RBFOX1: variants seen among roughly 807,000 people sequenced by gnomAD.
The protein encoded by RBFOX1 is RNA binding protein fox-1 homolog 1.
A neutral mutation model predicts 57.7 loss-of-function variants in RBFOX1; 8 were observed. The ratio of observed to expected loss-of-function variants is 0.14; its 90% CI spans 0.08 to 0.25. The LOEUF is 0.25. Ranked by LOEUF, RBFOX1 falls within the 10% of genes least tolerant of loss-of-function variation. RBFOX1 has a pLI of 1.00. For missense variants in RBFOX1, 611 were observed against 548.5 expected (o/e 1.11, Z -1.14); for synonymous variants, 326 against 222.4 (o/e 1.47, Z -4.15).
At chr16:6,304,005 T>G (rs980369961) in intron 1 of RBFOX1, among the ~76,000 whole-genome samples, 1 of 150,994 alleles carries the variant, frequency 6.6e-6, no homozygotes, top group East Asian at 2.0e-4. Flanking sequence ...AGAATCGGGG[T>G]TTCACCATGT....
intron 3 of RBFOX1, among the ~76,000 whole-genome samples, chr16:6,861,599 G>A (rs1257647260): frequency 6.7e-6 from 1 of 149,112 alleles, no homozygotes; most frequent in Non-Finnish European, 1.5e-5. Flanking sequence ...GTACTAAGTT[G>A]TTCCAGTAAA....
intron 3 of RBFOX1, among the ~76,000 whole-genome samples, chr16:5,622,349 C>T (rs73527637): frequency 0.042 from 6,435 of 152,260 alleles, 469 homozygotes; most frequent in African/African-American, 0.14. Flanking sequence ...TGTTTAGTGT[C>T]TGTCTTTTCC....
intron 1 of RBFOX1, among the ~76,000 whole-genome samples, chr16:6,307,633 T>A (rs1163336713): frequency 6.8e-6 from 1 of 147,996 alleles, no homozygotes; most frequent in Non-Finnish European, 1.5e-5. Context: ...TATATTTTTA[T>A]AAATGATATT....
chr16:7,308,401 T>C (rs1196143778), intron 4 of RBFOX1, among the ~76,000 whole-genome samples: 1 of 151,506 alleles, frequency 6.6e-6, no homozygotes, highest in Non-Finnish European at 1.5e-5. Flanking sequence ...AGTACTATTC[T>C]AAGAAAGCTT....
At chr16:6,672,470 G>GGAAAGAA (rs2098772415) in intron 3 of RBFOX1, among the ~76,000 whole-genome samples, 1 of 136,944 alleles carries the variant, frequency 7.3e-6, no homozygotes, top group African/African-American at 2.7e-5. Context: ...AAGGAAAGAA[G>GGAAAGAA]GAAAGAAAAA....
At chr16:7,474,949 A>G (rs933057175) in intron 4 of RBFOX1, among the ~76,000 whole-genome samples, 2 of 152,206 alleles carry the variant, frequency 1.3e-5, no homozygotes, top group African/African-American at 2.4e-5. Context: ...CAAAGCACCA[A>G]TGCAGAGCCG....
chr16:5,316,561 G>A (rs1218306362), intron 1 of RBFOX1, among the ~76,000 whole-genome samples: 2 of 152,306 alleles, frequency 1.3e-5, no homozygotes, highest in East Asian at 3.9e-4. Context: ...GGGACATTGG[G>A]CACATTACTT....
intron 3 of RBFOX1, among the ~76,000 whole-genome samples, chr16:7,029,071 TATATATATATAC>T (rs1362076208): frequency 1.6e-4 from 4 of 25,542 alleles, no homozygotes; most frequent in Admixed American, 1.1e-3. Flanking sequence ...TATATATATA[TATATATATATAC>T]ACACACACAC....
intron 4 of RBFOX1, among the ~76,000 whole-genome samples, chr16:7,194,680 C>G (rs1052868735): frequency 1.3e-5 from 2 of 152,082 alleles, no homozygotes; most frequent in African/African-American, 4.8e-5. Context: ...GTAATCCCAG[C>G]AATTTTAGAG....
At chr16:7,594,210 T>C (rs939661684) in intron 7 of RBFOX1, among the ~76,000 whole-genome samples, 2 of 151,940 alleles carry the variant, frequency 1.3e-5, no homozygotes, top group East Asian at 3.9e-4. Context: ...TGGAGGTGAT[T>C]ATAGAGAACT....
rs56101955 is a variant in RBFOX1 at position 6,349,950 on chromosome 16, G to A, written c.-64+32893G>A. On this transcript the variant is annotated intron_variant, in intron 2 of 15. Transcript: ENST00000550418. Reference sequence around the variant, plus strand: ...GGCAGTGGTGAGCTTAACTGCTGGAGATTTCCATGGTGAATGTGCGTGTCT... The same window carrying A: ...GGCAGTGGTGAGCTTAACTGCTGGAAATTTCCATGGTGAATGTGCGTGTCT... Among the ~76,000 whole-genome samples, 545 of 152,262 alleles carry A rather than the reference G, an allele frequency of 3.6e-3. 7 individuals are homozygous for A. The highest frequency in any genetic ancestry group is 5.5e-3 in the Non-Finnish European group (377 of 68,020).
At chr16:6,806,836 A>ATTTTTT (rs1555488600) in intron 3 of RBFOX1, among the ~76,000 whole-genome samples, 3 of 91,872 alleles carry the variant, frequency 3.3e-5, no homozygotes, top group Admixed American at 1.5e-4. Flanking sequence ...ATATATATAT[A>ATTTTTT]TTTTTTTTTT....
chr16:5,882,499 A>AG (rs991867027), intron 4 of RBFOX1, among the ~76,000 whole-genome samples: 1 of 152,192 alleles, frequency 6.6e-6, no homozygotes, highest in African/African-American at 2.4e-5. Flanking sequence ...TGTGAACCCA[A>AG]GGGGAAGAAA....
intron 4 of RBFOX1, among the ~76,000 whole-genome samples, chr16:7,352,735 A>G (rs894811214): frequency 2.0e-5 from 3 of 152,042 alleles, no homozygotes; most frequent in African/African-American, 7.3e-5. Flanking sequence ...TATTATTTTG[A>G]GACAGGGTCT....
intron 2 of RBFOX1, among the ~76,000 whole-genome samples, chr16:6,452,420 T>G (rs1046001773): frequency 8.7e-5 from 12 of 138,392 alleles, no homozygotes; most frequent in African/African-American, 3.3e-4. Flanking sequence ...CTTCCACGTC[T>G]CTCTTCCTGC....
intron 4 of RBFOX1, among the ~76,000 whole-genome samples, chr16:7,269,079 C>T (rs116719759): frequency 6.8e-6 from 1 of 147,748 alleles, no homozygotes; most frequent in African/African-American, 2.5e-5. Flanking sequence ...AAGAATCAGC[C>T]TCTGGATCAC....
rs76650210 is a variant in RBFOX1 at position 6,877,456 on chromosome 16, C to G, written c.-15-174601C>G. On this transcript the variant is annotated intron_variant, in intron 3 of 15. Coordinates refer to ENST00000550418, the MANE Select transcript of RBFOX1 (RefSeq NM_018723.4). Reference sequence around the variant, plus strand: ...AAGCAAAACCAGAGTAGTGGGGAAGCTTGACTTCTGCTTGATATCAGACCA... The same window carrying G: ...AAGCAAAACCAGAGTAGTGGGGAAGGTTGACTTCTGCTTGATATCAGACCA... 3.9e-4 allele frequency among the ~76,000 whole-genome samples: 59 copies of G among 152,234 alleles called. 2 individuals are homozygous for G. In the East Asian group the frequency reaches 0.011, roughly 28 times the overall value.
chr16:6,969,894 A>G (rs892968847), intron 3 of RBFOX1, among the ~76,000 whole-genome samples: 6 of 152,292 alleles, frequency 3.9e-5, no homozygotes, highest in South Asian at 4.1e-4. Context: ...ATGTTGTGTC[A>G]CTTGAGACTC....
chr16:7,201,954 G>T (rs1428630686), intron 4 of RBFOX1, among the ~76,000 whole-genome samples: 1 of 152,314 alleles, frequency 6.6e-6, no homozygotes, highest in African/African-American at 2.4e-5. Context: ...AGAACTTGCA[G>T]AAGTTTGGGA....
Sources: allele counts gnomAD v4.1 joint callset (sites outside exome capture counted in the v4.1 genomes callset), GRCh38; gene constraint gnomAD v4.1.1; transcripts MANE v1.5; gene names NCBI Gene and HGNC (gene_info 2026-07-23, HGNC 2026-07-21).